The following ZNF618 variants were observed in gnomAD, a reference collection of about 807,000 sequenced individuals.
ZNF618 encodes neural precursor cell expressed, developmentally down-regulated 10.
Under a neutral mutation model 103.0 loss-of-function variants are expected in ZNF618, and 34 were observed. The observed-to-expected ratio is 0.33, with a 90% CI of 0.25 to 0.44. The LOEUF (loss-of-function observed/expected upper bound fraction) is 0.44. ZNF618 is among the 20% of genes least tolerant of loss of function. The pLI, the probability that ZNF618 is intolerant of heterozygous loss-of-function variation, is 1.00. For synonymous variants in ZNF618, 551 were observed against 542.2 expected, an observed-to-expected ratio of 1.02 and a Z score of -0.23; for missense variants, 1,059 against 1,295.4, an observed-to-expected ratio of 0.82 and a Z score of 2.80.
At chr9:114,004,399 C>T (rs545825731) in intron 6 of ZNF618, among the ~76,000 whole-genome samples, 88 of 152,328 alleles carry the variant, frequency 5.8e-4, no homozygotes, top group Admixed American at 9.1e-4. Flanking sequence ...CATTCTTTTC[C>T]GGCTCCCATG....
At chr9:113,998,186 A>T (rs974933567) in intron 3 of ZNF618, 73 bp from the exon 4 acceptor site, 1 of 1,399,142 alleles carries the variant, frequency 7.1e-7, no homozygotes, top group Admixed American at 2.0e-5. Context: ...AGTGCAGCCA[A>T]CTTCGCCCCT....
At chr9:113,944,175 C>G (rs1391031214) in intron 1 of ZNF618, among the ~76,000 whole-genome samples, 2 of 152,230 alleles carry the variant, frequency 1.3e-5, no homozygotes, top group Non-Finnish European at 2.9e-5. Flanking sequence ...GATAAATACA[C>G]TCTTGGGCCT....
intron 1 of ZNF618, among the ~76,000 whole-genome samples, chr9:113,889,824 C>G (rs1345322451): frequency 1.3e-5 from 2 of 152,178 alleles, no homozygotes; most frequent in Non-Finnish European, 2.9e-5. Context: ...TCCCAATCAC[C>G]TAACACATTT....
intron 2 of ZNF618, among the ~76,000 whole-genome samples, chr9:113,986,693 G>A (rs1342910046): frequency 1.3e-5 from 2 of 152,122 alleles, no homozygotes; most frequent in African/African-American, 4.8e-5. Flanking sequence ...AGTCACACTG[G>A]GGGTTAGGGC....
At chr9:113,892,417 C>T (rs959768036) in intron 1 of ZNF618, among the ~76,000 whole-genome samples, 3 of 152,042 alleles carry the variant, frequency 2.0e-5, no homozygotes, top group Non-Finnish European at 4.4e-5. Context: ...TCATTTTAAT[C>T]CAAGGTTGGT....
At chr9:113,974,589 G>A (rs1160682804) in intron 2 of ZNF618, among the ~76,000 whole-genome samples, 1 of 152,172 alleles carries the variant, frequency 6.6e-6, no homozygotes, top group Non-Finnish European at 1.5e-5. Flanking sequence ...AGTTTCTTAA[G>A]GGCTATTTTT....
chr9:114,043,824 GT>G (rs1359380748), intron 13 of ZNF618, among the ~76,000 whole-genome samples: 1 of 152,138 alleles, frequency 6.6e-6, no homozygotes, highest in Non-Finnish European at 1.5e-5. Flanking sequence ...TTTTTCATAT[GT>G]TTGTTGGTCA....
chr9:113,916,377 C>G (rs1832079817), intron 1 of ZNF618, among the ~76,000 whole-genome samples: 1 of 152,106 alleles, frequency 6.6e-6, no homozygotes, highest in Admixed American at 6.5e-5. Context: ...CTTCGTGGTC[C>G]TGATGATAAG....
chr9:113,888,414 T>C (rs1384537854), intron 1 of ZNF618, among the ~76,000 whole-genome samples: 2 of 152,256 alleles, frequency 1.3e-5, no homozygotes, highest in African/African-American at 4.8e-5. Context: ...GGTTTTGTGT[T>C]CCATGCTCAC....
At chr9:113,975,698 C>A (rs545666733) in intron 2 of ZNF618, among the ~76,000 whole-genome samples, 2 of 152,100 alleles carry the variant, frequency 1.3e-5, no homozygotes, top group South Asian at 2.1e-4. Context: ...AATTAAAAAT[C>A]CAGATACTTC....
intron 13 of ZNF618, 31 bp from the exon 14 acceptor site, chr9:114,047,862 A>C (rs371264637): frequency 2.6e-5 from 40 of 1,561,488 alleles, no homozygotes; most frequent in Non-Finnish European, 3.3e-5. Flanking sequence ...TTACCCTTCC[A>C]GGTAACACAC....
chr9:113,938,720 C>T (rs140586083), intron 1 of ZNF618, among the ~76,000 whole-genome samples: 19 of 152,112 alleles, frequency 1.2e-4, no homozygotes, highest in African/African-American at 4.3e-4. Context: ...AGGCATGTAC[C>T]ACCATGCCCG....
chr9:113,947,034 C>A (rs1835101430), intron 1 of ZNF618, among the ~76,000 whole-genome samples: 1 of 152,220 alleles, frequency 6.6e-6, no homozygotes, highest in African/African-American at 2.4e-5. Context: ...AGCATCTCCC[C>A]TGTCCCCTTC....
intron 1 of ZNF618, among the ~76,000 whole-genome samples, chr9:113,907,658 C>A (rs77769128): frequency 0.018 from 2,760 of 152,308 alleles, 37 homozygotes; most frequent in Non-Finnish European, 0.027. Context: ...AGGACCCCCC[C>A]GCATGAGAGG....
At chr9:113,964,750 C>CTTTTTTTTT (rs765191153) in intron 1 of ZNF618, among the ~76,000 whole-genome samples, 9 of 98,482 alleles carry the variant, frequency 9.1e-5, no homozygotes, top group African/African-American at 1.6e-4. Context: ...CTCCTTTCTG[C>CTTTTTTTTT]TTTTTTTTTT....
At chr9:113,931,368 AGCCTTT>A (rs1309803778) in intron 1 of ZNF618, among the ~76,000 whole-genome samples, 5 of 152,054 alleles carry the variant, frequency 3.3e-5, no homozygotes, top group Non-Finnish European at 7.4e-5. Context: ...ATAGGACAGG[AGCCTTT>A]GAGGCAGAAG....
At chr9:114,032,001 G>A (rs1293298421) in intron 11 of ZNF618, among the ~76,000 whole-genome samples, 2 of 152,154 alleles carry the variant, frequency 1.3e-5, no homozygotes, top group Non-Finnish European at 2.9e-5. Context: ...GAAGAGGGTG[G>A]GCCCCTCAGG....
Position 114,028,832 on chromosome 9 carries a change from C to G in ZNF618, c.944C>G (p.Thr315Ser). 1.9e-6 allele frequency: 3 copies of G among 1,550,638 alleles called. No homozygotes were observed. The highest frequency in any genetic ancestry group is 2.6e-6 in the Non-Finnish European group (3 of 1,146,988). Reference protein sequence around the residue: ...SPSPRFVAAKTQTNQSGKKAP... With the variant: ...SPSPRFVAAKSQTNQSGKKAP... ...TCTCCACGCTTCGTGGCAGCGAAGACCCAGACGAACCAGTCGGGGAAAAAA... is the reference window on the plus strand; with the variant it reads ...TCTCCACGCTTCGTGGCAGCGAAGAGCCAGACGAACCAGTCGGGGAAAAAA... The change falls in exon 11 of 15, where the codon ACC (threonine) becomes AGC (serine). Residue 315 changes from threonine (T) to serine (S), a missense_variant. Physicochemically the swap from Thr to Ser is moderately conservative, Grantham distance 58 (BLOSUM62 1). This residue lies in a region of ZNF618 where 434 missense variants were observed against 476.0 expected (regional missense o/e 0.91). Coordinates refer to ENST00000374126, the MANE Select transcript of ZNF618 (RefSeq NM_001318042.2).
intron 10 of ZNF618, among the ~76,000 whole-genome samples, chr9:114,018,204 T>G (rs1302160788): frequency 6.6e-6 from 1 of 152,196 alleles, no homozygotes; most frequent in Non-Finnish European, 1.5e-5. Flanking sequence ...CCAGATCTTG[T>G]GTGGAGAGAG....
Sources: gnomAD v4.1 joint callset for allele counts (sites outside exome capture counted in the v4.1 genomes callset) on GRCh38, gnomAD v4.1.1 for gene constraint, gnomAD v4.1.1 regional missense constraint, MANE v1.5 for transcripts, NCBI Gene and HGNC (gene_info 2026-07-23, HGNC 2026-07-21) for gene names.